TMEM94: variants seen among roughly 807,000 people sequenced by gnomAD.
TMEM94 encodes ER Mg2+ ATPase.
In TMEM94, 81 loss-of-function variants were observed where a neutral mutation model predicts 158.6. The ratio of observed to expected loss-of-function variants is 0.51; its 90% CI spans 0.43 to 0.61. TMEM94 has a LOEUF of 0.61. Among genes scored for constraint, TMEM94 ranks in the 20% least tolerant of loss-of-function variants. The pLI, the probability that TMEM94 is intolerant of heterozygous loss-of-function variation, is 0.00. For synonymous variants in TMEM94, 751 were observed against 730.7 expected, an observed-to-expected ratio of 1.03 and a Z score of -0.45; for missense variants, 1,435 against 1,762.0, an observed-to-expected ratio of 0.81 and a Z score of 3.32.
chr17:75,491,700 C>A lies in TMEM94; in HGVS notation c.1396C>A (p.Arg466=). The part of the protein sequence containing the change: ...RSFCHPEPHE[R]DALLAGSLNN... Reference sequence around the variant, plus strand: ...TCCTCATTCTCTTCAGCCCCATGAACGAGACGCCCTCCTGGCTGGCTCCCT... The same window carrying A: ...TCCTCATTCTCTTCAGCCCCATGAAAGAGACGCCCTCCTGGCTGGCTCCCT... Residue 466 remains arginine (R), a synonymous_variant, in exon 14 of 32, where the codon CGA becomes AGA. Coordinates refer to ENST00000314256, the MANE Select transcript of TMEM94 (RefSeq NM_014738.6). This position sits in a 1 kb window ranked among gnomAD's most constrained non-coding sequence, Gnocchi z 5.1. The A allele has an allele frequency of 6.2e-7, 1 of 1,614,034 alleles. No homozygotes were observed. Among genetic ancestry groups the A allele is most frequent in the Non-Finnish European group, 8.5e-7 (1 of 1,180,008 alleles).
chr17:75,489,995 C>T lies in TMEM94; in HGVS notation c.955-239C>T. ...TCAGGTGGCTGAGGTGGGAGAATCC[C>T]TTGAACCTGGGAGGTGGAGGTTGCA... On this transcript the variant is annotated intron_variant, in intron 9 of 31. Transcript: ENST00000314256. This position sits in a 1 kb window ranked among gnomAD's most constrained non-coding sequence, Gnocchi z 5.0. 1 of 587,284 alleles carries T rather than the reference C, an allele frequency of 1.7e-6. No individual in the cohort carries two copies. Among genetic ancestry groups the T allele is most frequent in the Admixed American group, 3.1e-5 (1 of 32,286 alleles). 36.4% of individuals were successfully genotyped at this position (587,284 alleles called of 1,614,324 possible).
At chr17:75,478,476 G>C (rs942771169) in intron 2 of TMEM94, among the ~76,000 whole-genome samples, 2 of 152,072 alleles carry the variant, frequency 1.3e-5, no homozygotes, top group African/African-American at 2.4e-5. Flanking sequence ...GTCGGCTCTC[G>C]AAGGCGCCTT....
intron 2 of TMEM94, among the ~76,000 whole-genome samples, chr17:75,480,766 T>C (rs1189958952): frequency 6.6e-6 from 1 of 152,236 alleles, no homozygotes; most frequent in African/African-American, 2.4e-5. Flanking sequence ...TACAGTTGCC[T>C]GGTCCTTCCT....
At chr17:75,467,196 A>G (rs2050335450) in intron 1 of TMEM94, among the ~76,000 whole-genome samples, 1 of 151,932 alleles carries the variant, frequency 6.6e-6, no homozygotes, top group Admixed American at 6.6e-5. Context: ...GTTGGTCTGG[A>G]ACTCCTGTCC....
At chr17:75,483,112 T>C (rs1251462978) in intron 2 of TMEM94, among the ~76,000 whole-genome samples, 1 of 152,144 alleles carries the variant, frequency 6.6e-6, no homozygotes, top group East Asian at 1.9e-4. Flanking sequence ...TGATTCTCGC[T>C]GGGAAACACA....
intron 2 of TMEM94, among the ~76,000 whole-genome samples, chr17:75,476,104 T>C (rs1027805717): frequency 6.6e-6 from 1 of 152,144 alleles, no homozygotes; most frequent in Non-Finnish European, 1.5e-5. Context: ...TGCCGTGTGA[T>C]TTGGGGACTT....
Position 75,499,359 on chromosome 17 carries a change from T to A in TMEM94, c.*25T>A. 1 of 1,604,928 alleles carries A rather than the reference T, an allele frequency of 6.2e-7. No homozygotes were observed. Among genetic ancestry groups the A allele is most frequent in the Non-Finnish European group, 8.5e-7 (1 of 1,172,236 alleles). ...AGCCACTGGCTGTGGTGGCTGTAGT[T>A]GCCCCCGTCCCTGGGGCTAAAGCCA... is the stretch of plus-strand genomic sequence containing the variant. On this transcript the variant is annotated 3_prime_UTR_variant, in exon 32 of 32. Coordinates refer to ENST00000314256, the MANE Select transcript of TMEM94 (RefSeq NM_014738.6).
Position 75,496,712 on chromosome 17 carries a change from G to A in TMEM94, c.3244-18G>A. Reference sequence around the variant, plus strand: ...GCCAGGTAGACCCAGGCCATAATCTGTCCCTCTTGGTCCCTAGGCTCGGCA... The same window carrying A: ...GCCAGGTAGACCCAGGCCATAATCTATCCCTCTTGGTCCCTAGGCTCGGCA... On this transcript the variant is annotated intron_variant, in intron 24 of 31. Coordinates refer to ENST00000314256, the MANE Select transcript of TMEM94 (RefSeq NM_014738.6). 6.2e-7 allele frequency: 1 copy of A among 1,612,836 alleles called. No individual in the cohort carries two copies. Among genetic ancestry groups the A allele is most frequent in the South Asian group, 1.1e-5 (1 of 91,068 alleles).
chr17:75,475,125 C>A (rs868799608), intron 2 of TMEM94, among the ~76,000 whole-genome samples: 6 of 152,210 alleles, frequency 3.9e-5, no homozygotes, highest in African/African-American at 1.4e-4. Flanking sequence ...GAGTCTTTCT[C>A]TTTGGCTACA....
At chr17:75,493,452 C>T in intron 16 of TMEM94, 39 bp from the exon 17 acceptor site, 1 of 1,590,116 alleles carries the variant, frequency 6.3e-7, no homozygotes, top group Non-Finnish European at 8.6e-7. Context: ...CGTGAGGGGG[C>T]TGGTTAGCGA....
At chr17:75,472,161 G>A (rs1367577440) in intron 2 of TMEM94, among the ~76,000 whole-genome samples, 1 of 152,214 alleles carries the variant, frequency 6.6e-6, no homozygotes, top group Non-Finnish European at 1.5e-5. Context: ...CCGCATGGGA[G>A]CAGGGTTTCT....
intron 1 of TMEM94, among the ~76,000 whole-genome samples, chr17:75,464,480 TCAAA>T (rs10591408): frequency 0.22 from 33,846 of 151,392 alleles, 5,483 homozygotes; most frequent in African/African-American, 0.46. Context: ...AGGCCTTGTC[TCAAA>T]CAAACAAACA....
chr17:75,471,766 C>A, intron 1 of TMEM94, 34 bp from the exon 2 acceptor site: 1 of 816,512 alleles, frequency 1.2e-6, no homozygotes, highest in Non-Finnish European at 2.0e-6. Context: ...CCTGTTCCAG[C>A]AACCTGAGTG....
At chr17:75,496,890 C>A in intron 25 of TMEM94, 83 bp downstream of exon 25, 1 of 1,449,982 alleles carries the variant, frequency 6.9e-7, no homozygotes, top group Non-Finnish European at 9.6e-7. Flanking sequence ...AGGAAGGAGG[C>A]TGGGGTTAGC....
rs1210695098 is a variant in TMEM94 at position 75,490,486 on chromosome 17, C to T, written c.1071+136C>T. On this transcript the variant is annotated intron_variant, in intron 10 of 31. Transcript: ENST00000314256. ...TCAGCCTGGGCAGCTCTCCAGGCCTCGGGCCCTCTCCATTCCAGAAGGGCC... is the reference window on the plus strand; with the variant it reads ...TCAGCCTGGGCAGCTCTCCAGGCCTTGGGCCCTCTCCATTCCAGAAGGGCC... 6.7e-6 allele frequency: 7 copies of T among 1,038,744 alleles called. No homozygotes were observed. In the East Asian group the frequency reaches 7.7e-5, roughly 11 times the overall value. The allele number at this position is 1,038,744 out of a possible 1,614,324, so 64.3% of individuals were successfully genotyped here.
intron 27 of TMEM94, 128 bp downstream of exon 27, chr17:75,497,990 C>T (rs1028385683): frequency 1.5e-5 from 17 of 1,163,062 alleles, no homozygotes; most frequent in Non-Finnish European, 2.1e-5. Flanking sequence ...CACTTGGTTC[C>T]TAGTCTTCCC....
Position 75,498,520 on chromosome 17 carries a change from C to G in TMEM94, c.3715C>G (p.Leu1239Val). 1 of 1,606,350 alleles carries G rather than the reference C, an allele frequency of 6.2e-7. No individual in the cohort carries two copies. The highest frequency in any genetic ancestry group is 8.5e-7 in the Non-Finnish European group (1 of 1,175,786). The stretch of plus-strand genomic sequence containing the variant: ...GTCGGCTCAGAAGCTCACGGCCGCC[C>G]TGATTGTCCTGCACACTGGTGAGAG... ...LLSAQKLTAA[L>V]IVLHTVFISI... Residue 1239 changes from leucine (L) to valine (V), a missense_variant, in exon 29 of 32, where the codon CTG (leucine) becomes GTG (valine). By Grantham distance (32) the Leu-to-Val change is conservative. Coordinates refer to ENST00000314256, the MANE Select transcript of TMEM94 (RefSeq NM_014738.6). The surrounding 1 kb of genome is among the most constrained non-coding windows in gnomAD (Gnocchi z 6.7).
chr17:75,472,307 A>G (rs1429731809), intron 2 of TMEM94, among the ~76,000 whole-genome samples: 1 of 152,212 alleles, frequency 6.6e-6, no homozygotes, highest in Non-Finnish European at 1.5e-5. Flanking sequence ...CTGTGGTTAG[A>G]GAAGAGCGCC....
At chr17:75,470,704 C>G (rs868479461) in intron 1 of TMEM94, among the ~76,000 whole-genome samples, 9 of 117,498 alleles carry the variant, frequency 7.7e-5, no homozygotes, top group Non-Finnish European at 1.6e-4. Flanking sequence ...GACTCTGTCT[C>G]AAAAAAAAAA....
Sources: allele counts gnomAD v4.1 joint callset (sites outside exome capture counted in the v4.1 genomes callset), GRCh38; gene constraint gnomAD v4.1.1; non-coding constraint Gnocchi (gnomAD v3.1); transcripts MANE v1.5; gene names NCBI Gene and HGNC (gene_info 2026-07-23, HGNC 2026-07-21).